The following MEI1 variants were observed in gnomAD, a reference collection of about 807,000 sequenced individuals.
MEI1 encodes meiosis inhibitor protein 1.
Under a neutral mutation model 146.2 loss-of-function variants are expected in MEI1, and 103 were observed. The ratio of observed to expected loss-of-function variants is 0.70; its 90% CI spans 0.60 to 0.83. The LOEUF (loss-of-function observed/expected upper bound fraction) is 0.83. Among genes scored for constraint, MEI1 ranks in the 40% least tolerant of loss-of-function variants. MEI1 has a pLI of 0.00. For synonymous variants in MEI1, 652 were observed against 628.2 expected (o/e 1.04, Z -0.57); for missense variants, 1,529 against 1,533.0 (o/e 1.00, Z 0.04).
chr22:41,764,389 AAGAG>A (rs1255700853), intron 19 of MEI1, among the ~76,000 whole-genome samples: 1 of 152,218 alleles, frequency 6.6e-6, no homozygotes, highest in Non-Finnish European at 1.5e-5. Flanking sequence ...TACTAGCACA[AAGAG>A]AGAGACAACA....
intron 5 of MEI1, among the ~76,000 whole-genome samples, chr22:41,717,730 C>T (rs1228252918): frequency 2.0e-5 from 3 of 151,506 alleles, no homozygotes; most frequent in African/African-American, 7.3e-5. Flanking sequence ...ATTCTCCTGC[C>T]TCAGCTTCTC....
rs2072956486 is a variant in MEI1, at chr22:41,742,393, C to T, written c.1332-687C>T. ...TCACTCTCTTGATGCACGTTCAATT[C>T]TAGGTAGTGCTTCTTTTACCAGCAG... On this transcript the variant is annotated intron_variant, in intron 11 of 30. Coordinates refer to ENST00000401548, the MANE Select transcript of MEI1 (RefSeq NM_152513.4). Among the ~76,000 whole-genome samples, 5 of 152,316 alleles carry T rather than the reference C, an allele frequency of 3.3e-5. No homozygotes were observed. The South Asian group carries it at 1.0e-3, about 32-fold the overall frequency.
At chr22:41,768,525 A>G (rs1202164029) in intron 19 of MEI1, among the ~76,000 whole-genome samples, 1 of 152,222 alleles carries the variant, frequency 6.6e-6, no homozygotes, top group Admixed American at 6.6e-5. Flanking sequence ...ATAAAGAACT[A>G]CCAGAGACTG....
Position 41,718,118 on chromosome 22 carries a change from G to A in MEI1, c.577G>A (p.Gly193Ser). ...GAGAGGCTTAGTATACCCCAGTGAG[G>A]GCATACAAGCTTCTGTCTGTTACCT... Reference protein sequence around the residue: ...LLRGLVYPSEGIQASVCYLYG... With the variant: ...LLRGLVYPSESIQASVCYLYG... The change falls in exon 6 of 31, where the codon GGC becomes AGC. Residue 193 changes from glycine (G) to serine (S), a missense_variant. Gly to Ser is a moderately conservative substitution (Grantham distance 56). Coordinates refer to ENST00000401548, the MANE Select transcript of MEI1 (RefSeq NM_152513.4). The A allele has an allele frequency of 5.0e-6, 8 of 1,613,446 alleles. No homozygotes were observed. The highest frequency in any genetic ancestry group is 6.8e-6 in the Non-Finnish European group (8 of 1,179,862).
rs1026977529 is a variant in MEI1, at chr22:41,730,723, C to T, written c.1096+86C>T. On this transcript the variant is annotated intron_variant, in intron 9 of 30. Transcript: ENST00000401548. ...AGCAGCCGCAGTGATGGGGGGCTAG[C>T]CTCCACCTTGGAGGGGAGCACTGAG... The T allele has an allele frequency of 8.5e-6, 7 of 827,868 alleles. No homozygotes were observed. In the African/African-American group the frequency reaches 1.2e-4, roughly 14 times the overall value. The allele number at this position is 827,868 out of a possible 1,614,324, so 51.3% of individuals were successfully genotyped here. A position where few individuals can be genotyped will look rare whatever the true frequency, so the allele number is the denominator to read the frequency against.
At chr22:41,747,590 G>T (rs1445267300) in intron 14 of MEI1, among the ~76,000 whole-genome samples, 2 of 152,090 alleles carry the variant, frequency 1.3e-5, no homozygotes, top group African/African-American at 4.8e-5. Flanking sequence ...TGTAATCCCA[G>T]CTACCTGGGA....
At chr22:41,767,671 A>G in intron 19 of MEI1, 1 of 450,246 alleles carries the variant, frequency 2.2e-6, no homozygotes, top group South Asian at 1.6e-5. Context: ...CAGCTACTCA[A>G]CCAATGTGGA....
intron 18 of MEI1, among the ~76,000 whole-genome samples, chr22:41,759,902 G>T (rs943480554): frequency 1.3e-5 from 2 of 152,016 alleles, no homozygotes; most frequent in African/African-American, 4.8e-5. Flanking sequence ...GGCCGGGTAC[G>T]GTGGCTCACA....
At chr22:41,737,083 G>A (rs973169017) in intron 11 of MEI1, among the ~76,000 whole-genome samples, 4 of 152,050 alleles carry the variant, frequency 2.6e-5, no homozygotes, top group Admixed American at 6.6e-5. Flanking sequence ...ACTTATTCCT[G>A]CCACTAATTA....
intron 5 of MEI1, 116 bp downstream of exon 5, chr22:41,716,262 C>A: frequency 3.0e-6 from 2 of 674,016 alleles, no homozygotes; most frequent in East Asian, 2.9e-5. Context: ...CTGCTTTAGC[C>A]TTCAGTTTCC....
chr22:41,704,868 C>G (rs938261770), intron 2 of MEI1, among the ~76,000 whole-genome samples: 8 of 152,178 alleles, frequency 5.3e-5, no homozygotes, highest in Non-Finnish European at 1.0e-4. Flanking sequence ...GTGCCCGTCA[C>G]CACGCCTGGC....
At chr22:41,780,938 T>A (rs1452533623) in intron 22 of MEI1, among the ~76,000 whole-genome samples, 1 of 152,136 alleles carries the variant, frequency 6.6e-6, no homozygotes, top group Admixed American at 6.6e-5. Flanking sequence ...AATGAAGTGA[T>A]GTGAGAGAGG....
chr22:41,759,842 A>G (rs1018321215), intron 18 of MEI1, among the ~76,000 whole-genome samples: 1 of 151,864 alleles, frequency 6.6e-6, no homozygotes, highest in Non-Finnish European at 1.5e-5. Flanking sequence ...CAAAAAGGAT[A>G]TAAAAATAAA....
intron 5 of MEI1, 132 bp downstream of exon 5, chr22:41,716,278 T>C: frequency 1.6e-6 from 1 of 608,010 alleles, no homozygotes; most frequent in Non-Finnish European, 2.9e-6. Context: ...TTTCCCCGTC[T>C]GCAAAATGTA....
chr22:41,725,956 C>T (rs937242923), intron 7 of MEI1, among the ~76,000 whole-genome samples: 3 of 152,124 alleles, frequency 2.0e-5, no homozygotes, highest in Admixed American at 1.3e-4. Context: ...CTTTCTGCAG[C>T]AAGGAAGAGG....
intron 3 of MEI1, among the ~76,000 whole-genome samples, chr22:41,708,487 C>T (rs2147258782): frequency 6.6e-6 from 1 of 151,924 alleles, no homozygotes; most frequent in South Asian, 2.1e-4. Context: ...TCAGGCAGGA[C>T]ATGGGCAGAC....
intron 6 of MEI1, among the ~76,000 whole-genome samples, chr22:41,720,027 G>T (rs1336583194): frequency 6.6e-6 from 1 of 152,182 alleles, no homozygotes; most frequent in African/African-American, 2.4e-5. Context: ...TCACAGAGAT[G>T]ATCAAATCCA....
At chr22:41,774,270 TC>T (rs1286943933) in intron 20 of MEI1, 1 of 152,270 alleles carries the variant, frequency 6.6e-6, no homozygotes, top group African/African-American at 2.4e-5. Context: ...ACGTTCCTCT[TC>T]CTCCAGCATT....
chr22:41,707,935 A>G (rs2069220749), intron 3 of MEI1, among the ~76,000 whole-genome samples: 1 of 152,224 alleles, frequency 6.6e-6, no homozygotes, highest in South Asian at 2.1e-4. Context: ...GGTTTGATCC[A>G]TTCCTTTGGC....
Sources: gnomAD v4.1 joint callset for allele counts (sites outside exome capture counted in the v4.1 genomes callset) on GRCh38, gnomAD v4.1.1 for gene constraint, MANE v1.5 for transcripts, NCBI Gene and HGNC (gene_info 2026-07-23, HGNC 2026-07-21) for gene names.